DSCAM: variants seen among roughly 807,000 people sequenced by gnomAD.
DSCAM encodes the protein cell adhesion molecule DSCAM.
A neutral mutation model predicts 217.7 loss-of-function variants in DSCAM; 47 were observed. The observed-to-expected ratio is 0.22, with a 90% CI of 0.17 to 0.28. The LOEUF is 0.28. Ranked by LOEUF, DSCAM falls within the 10% of genes least tolerant of loss-of-function variation. The pLI, the probability that DSCAM is intolerant of heterozygous loss-of-function variation, is 1.00. For missense variants in DSCAM, 2,080 were observed against 2,618.3 expected, an observed-to-expected ratio of 0.79 and a Z score of 4.49; for synonymous variants, 1,056 against 1,015.3, an observed-to-expected ratio of 1.04 and a Z score of -0.76.
intron 3 of DSCAM, among the ~76,000 whole-genome samples, chr21:40,592,463 A>T (rs911949946): frequency 2.0e-5 from 3 of 152,192 alleles, no homozygotes; most frequent in African/African-American, 7.2e-5. Flanking sequence ...AATAAAATGT[A>T]AAGACCTCGC....
chr21:40,659,373 CTATCTAT>C (rs1387664425), intron 3 of DSCAM, among the ~76,000 whole-genome samples: 1 of 144,952 alleles, frequency 6.9e-6, no homozygotes, highest in African/African-American at 2.9e-5. Flanking sequence ...ATCTATCTAT[CTATCTAT>C]CTATCTATCT....
rs751279749 is a variant in DSCAM at position 40,062,903 on chromosome 21, G to C, written c.4889-4C>G. ...ATTTCAGCTAAACTCTTTGCATCTG[G>C]GGAAAGAAAGTTAACATTAGTACAT... On this transcript the variant is annotated splice_polypyrimidine_tract_variant and splice_region_variant and intron_variant, in intron 27 of 32. Coordinates refer to ENST00000400454, the MANE Select transcript of DSCAM (RefSeq NM_001389.5). 3 of 1,597,254 alleles carry C rather than the reference G, an allele frequency of 1.9e-6. No individual in the cohort carries two copies. Among genetic ancestry groups the C allele is most frequent in the Non-Finnish European group, 2.6e-6 (3 of 1,174,286 alleles).
At chr21:40,518,670 A>G (rs1379328156) in intron 3 of DSCAM, among the ~76,000 whole-genome samples, 1 of 138,120 alleles carries the variant, frequency 7.2e-6, no homozygotes, top group African/African-American at 2.9e-5. Context: ...ATATATGTGT[A>G]TGTGTGTGTA....
intron 3 of DSCAM, among the ~76,000 whole-genome samples, chr21:40,663,914 T>A (rs138712071): frequency 6.6e-6 from 1 of 152,204 alleles, no homozygotes; most frequent in Non-Finnish European, 1.5e-5. Context: ...GAGTTCTGAA[T>A]AATGCAAATT....
intron 3 of DSCAM, among the ~76,000 whole-genome samples, chr21:40,376,559 T>G (rs71316160): frequency 0.021 from 2,401 of 116,028 alleles, 229 homozygotes; most frequent in African/African-American, 0.039. Flanking sequence ...TATCGATATC[T>G]ATATATCTTA....
chr21:40,270,562 A>G (rs1401313404), intron 11 of DSCAM, among the ~76,000 whole-genome samples: 3 of 152,208 alleles, frequency 2.0e-5, no homozygotes, highest in Non-Finnish European at 4.4e-5. Flanking sequence ...GACTTAAACT[A>G]TAATTCAGAA....
chr21:40,621,618 A>G (rs1601797372), intron 3 of DSCAM, among the ~76,000 whole-genome samples: 2 of 151,946 alleles, frequency 1.3e-5, no homozygotes, highest in Non-Finnish European at 2.9e-5. Flanking sequence ...GCTGTTTGCC[A>G]AAGTCATATA....
intron 11 of DSCAM, among the ~76,000 whole-genome samples, chr21:40,243,017 G>A (rs1030947154): frequency 2.6e-5 from 4 of 152,176 alleles, no homozygotes; most frequent in African/African-American, 9.7e-5. Context: ...ACTCCCCTGT[G>A]TCTGGGGCTT....
chr21:40,795,325 G>GCTCCA (rs527764723), intron 1 of DSCAM, among the ~76,000 whole-genome samples: 192 of 151,714 alleles, frequency 1.3e-3, no homozygotes, highest in African/African-American at 4.4e-3. Context: ...AATGGCAGAG[G>GCTCCA]CTCCAACAAC....
rs367965462 is a variant in DSCAM at position 40,160,893 on chromosome 21, C to T, written c.3018+6325G>A. On this transcript the variant is annotated intron_variant, in intron 16 of 32. Coordinates refer to ENST00000400454, the MANE Select transcript of DSCAM (RefSeq NM_001389.5). ...CCATCCAACAGGATTTCTGGCTCGA[C>T]GGCAGACGGCCTTGGTCCTAAGCCT... is the stretch of plus-strand genomic sequence containing the variant. Among the ~76,000 whole-genome samples, 55 of 152,292 alleles carry T rather than the reference C, an allele frequency of 3.6e-4. No individual in the cohort carries two copies. The East Asian group carries it at 8.1e-3, about 22-fold the overall frequency.
At chr21:40,339,538 G>A (rs1298873251) in intron 6 of DSCAM, 123 bp from the exon 7 acceptor site, 2 of 1,017,270 alleles carry the variant, frequency 2.0e-6, no homozygotes, top group Non-Finnish European at 1.4e-6. Context: ...AAAAGGTCTG[G>A]TTTTCCTGAT....
chr21:40,332,965 G>A (rs1407826500), intron 8 of DSCAM, among the ~76,000 whole-genome samples: 1 of 152,122 alleles, frequency 6.6e-6, no homozygotes, highest in Non-Finnish European at 1.5e-5. Context: ...GAACCTCCTG[G>A]GGACAAGATA....
intron 32 of DSCAM, among the ~76,000 whole-genome samples, chr21:40,035,722 G>A (rs2088607831): frequency 6.6e-6 from 1 of 150,796 alleles, no homozygotes; most frequent in Non-Finnish European, 1.5e-5. Context: ...ATTTTTTTCA[G>A]CACCACACCA....
chr21:40,308,249 C>T (rs529813899), intron 9 of DSCAM, among the ~76,000 whole-genome samples: 1 of 152,240 alleles, frequency 6.6e-6, no homozygotes, highest in Non-Finnish European at 1.5e-5. Context: ...TTTATGCACA[C>T]AATTAACTTA....
intron 8 of DSCAM, among the ~76,000 whole-genome samples, chr21:40,327,868 A>G (rs1341260008): frequency 1.3e-5 from 2 of 152,200 alleles, no homozygotes; most frequent in African/African-American, 4.8e-5. Flanking sequence ...CTATCTGAAA[A>G]AAATTAAAGA....
chr21:40,092,140 T>C (rs1004067829), intron 21 of DSCAM, among the ~76,000 whole-genome samples: 4 of 152,188 alleles, frequency 2.6e-5, no homozygotes, highest in Non-Finnish European at 4.4e-5. Context: ...GTAAAAATAA[T>C]GTATACACTT....
intron 16 of DSCAM, among the ~76,000 whole-genome samples, chr21:40,161,321 C>CA (rs1333146580): frequency 6.6e-6 from 1 of 152,052 alleles, no homozygotes; most frequent in Non-Finnish European, 1.5e-5. Flanking sequence ...TATAAATAAA[C>CA]ACCATGGCTT....
Position 40,187,117 on chromosome 21 carries a change from A to C in DSCAM, c.2779+14T>G, listed in dbSNP as rs2146825628. 1 of 1,611,366 alleles carries C rather than the reference A, an allele frequency of 6.2e-7. No individual in the cohort carries two copies. Reference sequence around the variant, plus strand: ...CTGAGGTGGAAGGGAAGCTGGAGGAAGTAAAGAACTTACCTGATTTATTTT... The same window carrying C: ...CTGAGGTGGAAGGGAAGCTGGAGGACGTAAAGAACTTACCTGATTTATTTT... On this transcript the variant is annotated intron_variant, in intron 14 of 32. Transcript: ENST00000400454.
At chr21:40,177,201 C>T (rs1427900904) in intron 15 of DSCAM, among the ~76,000 whole-genome samples, 1 of 152,200 alleles carries the variant, frequency 6.6e-6, no homozygotes, top group Admixed American at 6.5e-5. Flanking sequence ...TAATTAAATA[C>T]AATTCTATTT....
Sources: allele counts gnomAD v4.1 joint callset (sites outside exome capture counted in the v4.1 genomes callset), GRCh38; gene constraint gnomAD v4.1.1; transcripts MANE v1.5; gene names NCBI Gene and HGNC (gene_info 2026-07-23, HGNC 2026-07-21).